Variants in CELF2 observed in about 807,000 individuals in gnomAD.
CELF2 encodes CUG triplet repeat RNA-binding protein 2.
A neutral mutation model predicts 62.6 loss-of-function variants in CELF2; 8 were observed. The observed-to-expected ratio is 0.13, with a 90% confidence interval of 0.07 to 0.23. CELF2 has a LOEUF of 0.23. Among genes scored for constraint, CELF2 ranks in the 10% least tolerant of loss-of-function variants. The pLI is 1.00. For synonymous variants in CELF2, 258 were observed against 250.0 expected (o/e 1.03, Z -0.30); for missense variants, 333 against 671.0 (o/e 0.50, Z 5.56).
chr10:10,871,350 G>A (rs1025650910), intron 1 of CELF2, among the ~76,000 whole-genome samples: 10 of 152,148 alleles, frequency 6.6e-5, no homozygotes, highest in Non-Finnish European at 8.8e-5. Flanking sequence ...AAATCTATGC[G>A]CCACATCTAA....
the CELF2 span, among the ~76,000 whole-genome samples, chr10:10,613,390 C>T: frequency 6.6e-6 from 1 of 152,018 alleles, no homozygotes; most frequent in African/African-American, 2.4e-5. Context: ...TATTACTTTC[C>T]GGAAGGCAAT....
At chr10:10,954,237 T>C (rs1453775500) in intron 2 of CELF2, among the ~76,000 whole-genome samples, 1 of 147,112 alleles carries the variant, frequency 6.8e-6, no homozygotes, top group South Asian at 2.2e-4. Flanking sequence ...TTATTATTAT[T>C]ATTATTATTA....
chr10:11,123,817 A>G (rs1241621799), intron 1 of CELF2, among the ~76,000 whole-genome samples: 1 of 152,212 alleles, frequency 6.6e-6, no homozygotes, highest in African/African-American at 2.4e-5. Context: ...GTACAGTAAC[A>G]TGAAGACCTG....
intron 1 of CELF2, among the ~76,000 whole-genome samples, chr10:10,894,118 G>GA (rs1326219534): frequency 1.6e-3 from 227 of 144,508 alleles, no homozygotes; most frequent in African/African-American, 5.1e-3. Context: ...TGGGACAGGA[G>GA]AAAAAAAAAA....
intron 1 of CELF2, among the ~76,000 whole-genome samples, chr10:11,066,703 G>C (rs1302912369): frequency 3.3e-5 from 5 of 151,322 alleles, no homozygotes; most frequent in Non-Finnish European, 5.9e-5. Context: ...GGATCAAGGT[G>C]TGTCTGTCGG....
the CELF2 span, among the ~76,000 whole-genome samples, chr10:10,688,524 G>C: frequency 6.6e-6 from 1 of 152,198 alleles, no homozygotes; most frequent in Non-Finnish European, 1.5e-5. Context: ...CAATTGAATA[G>C]CTGATGCATG....
intron 5 of CELF2, among the ~76,000 whole-genome samples, chr10:11,258,607 C>T (rs965910497): frequency 6.6e-6 from 1 of 152,226 alleles, no homozygotes; most frequent in Non-Finnish European, 1.5e-5. Flanking sequence ...CACCTCCTTC[C>T]TGGAACCACT....
chr10:10,767,928 G>A, the CELF2 span, among the ~76,000 whole-genome samples: 2 of 124,586 alleles, frequency 1.6e-5, no homozygotes, highest in African/African-American at 3.2e-5. Context: ...CCCGGGAGGC[G>A]GAGCTTGCAG....
the CELF2 span, among the ~76,000 whole-genome samples, chr10:10,536,060 G>A: frequency 2.4e-4 from 35 of 145,230 alleles, no homozygotes; most frequent in African/African-American, 9.0e-4. Context: ...TTGCTCTGTC[G>A]CCAGGCTGTA....
chr10:10,683,405 G>C, the CELF2 span, among the ~76,000 whole-genome samples: 3 of 152,130 alleles, frequency 2.0e-5, no homozygotes, highest in Admixed American at 1.3e-4. Context: ...TTTCATGCTT[G>C]TGTTTTCCAT....
intron 1 of CELF2, among the ~76,000 whole-genome samples, chr10:10,831,121 G>A (rs2057816642): frequency 6.6e-6 from 1 of 152,238 alleles, no homozygotes; most frequent in Non-Finnish European, 1.5e-5. Context: ...CCTGAAGCCT[G>A]TAGAACAAAG....
chr10:10,546,768 T>A, the CELF2 span, among the ~76,000 whole-genome samples: 1 of 152,206 alleles, frequency 6.6e-6, no homozygotes, highest in East Asian at 1.9e-4. Context: ...GACAAGTACC[T>A]GATAGACCTT....
chr10:10,964,926 G>C (rs2049953247), intron 2 of CELF2, among the ~76,000 whole-genome samples: 1 of 151,982 alleles, frequency 6.6e-6, no homozygotes, highest in African/African-American at 2.4e-5. Flanking sequence ...AAATATTTCA[G>C]CTGGACATGA....
the CELF2 span, chr10:10,792,511 A>C: frequency 7.5e-6 from 3 of 398,090 alleles, no homozygotes; most frequent in African/African-American, 6.2e-5. Flanking sequence ...CCCTCTTAAA[A>C]ACAGATGAGG....
At chr10:10,865,079 A>G (rs2060273146) in intron 1 of CELF2, among the ~76,000 whole-genome samples, 2 of 152,184 alleles carry the variant, frequency 1.3e-5, no homozygotes, top group African/African-American at 2.4e-5. Flanking sequence ...GGAAGGAAAA[A>G]TGAGGAAAAT....
the CELF2 span, among the ~76,000 whole-genome samples, chr10:10,501,491 T>C: frequency 6.6e-6 from 1 of 152,206 alleles, no homozygotes; most frequent in South Asian, 2.1e-4. Context: ...TGAGAATTCT[T>C]TATACATTCT....
chr10:10,661,266 A>G, the CELF2 span, among the ~76,000 whole-genome samples: 1 of 152,168 alleles, frequency 6.6e-6, no homozygotes, highest in African/African-American at 2.4e-5. Context: ...TGAATCATAT[A>G]GTGTCTCCTT....
At position 11,217,646 on chromosome 10, in the gene CELF2, T is replaced by C. The variant is rs1313516585; in HGVS notation, c.354+139T>C. ...AGTGTGTGCTGACCCCCCAGTTCCC[T>C]GCAGCAGCCACACCAGCTGGCCAGC... On this transcript the variant is annotated intron_variant, in intron 3 of 12. Transcript: ENST00000633077. The surrounding 1 kb of genome is among the most constrained non-coding windows in gnomAD (Gnocchi z 5.6). 8.9e-6 allele frequency: 5 copies of C among 560,962 alleles called. No homozygotes were observed. The highest frequency in any genetic ancestry group is 1.6e-5 in the Non-Finnish European group (5 of 317,978). The allele number at this position is 560,962 out of a possible 1,614,324, so 34.7% of individuals were successfully genotyped here.
chr10:10,829,797 T>C (rs1206880534), intron 1 of CELF2, among the ~76,000 whole-genome samples: 1 of 152,202 alleles, frequency 6.6e-6, no homozygotes, highest in African/African-American at 2.4e-5. Context: ...CTGGCTGAAC[T>C]GAGATGGTGA....
Sources: gnomAD v4.1 joint callset for allele counts (sites outside exome capture counted in the v4.1 genomes callset) on GRCh38, gnomAD v4.1.1 for gene constraint, Gnocchi (gnomAD v3.1) non-coding constraint, MANE v1.5 for transcripts, NCBI Gene and HGNC (gene_info 2026-07-23, HGNC 2026-07-21) for gene names.